RARB: variants seen among roughly 807,000 people sequenced by gnomAD.
RARB encodes the protein retinoic acid receptor beta, also known as HBV-activated protein.
In RARB, 17 loss-of-function variants were observed where a neutral mutation model predicts 51.9. That is an observed-to-expected ratio of 0.33 (90% CI 0.22 to 0.49). RARB has a LOEUF of 0.49. Among genes scored for constraint, RARB ranks in the 20% least tolerant of loss-of-function variants. The pLI is 0.99. For synonymous variants in RARB, 215 were observed against 195.4 expected (o/e 1.10, Z -0.84); for missense variants, 369 against 550.8 (o/e 0.67, Z 3.30).
intron 2 of RARB, among the ~76,000 whole-genome samples, chr3:25,028,647 A>G (rs557694564): frequency 2.0e-5 from 3 of 152,246 alleles, no homozygotes; most frequent in Non-Finnish European, 4.4e-5. Flanking sequence ...GTGTGTGAGG[A>G]TAAAGGGTGT....
intron 2 of RARB, among the ~76,000 whole-genome samples, chr3:25,006,964 T>G (rs1697285687): frequency 6.6e-6 from 1 of 152,186 alleles, no homozygotes; most frequent in Admixed American, 6.5e-5. Flanking sequence ...TAATCCACAG[T>G]ATTATGTAGT....
chr3:25,006,587 C>G (rs902831270), intron 2 of RARB, among the ~76,000 whole-genome samples: 5 of 152,060 alleles, frequency 3.3e-5, no homozygotes, highest in Admixed American at 3.3e-4. Context: ...AAATCTGATA[C>G]CTTGTTTCTA....
In RARB at chr3:24,960,021, A is replaced by C. The variant is rs138801211; in HGVS notation, c.-379-100104A>C. 3.0e-3 allele frequency among the ~76,000 whole-genome samples: 455 copies of C among 152,312 alleles called. 2 individuals carry two copies. Among genetic ancestry groups the C allele is most frequent in the African/African-American group, 0.011 (444 of 41,570 alleles). ...CAAGACAGTGGCTAATCCTTGAAATAAGTGGTACAAAGACTGAACTATCAA... is the reference window on the plus strand; with the variant it reads ...CAAGACAGTGGCTAATCCTTGAAATCAGTGGTACAAAGACTGAACTATCAA... On this transcript the variant is annotated intron_variant, in intron 2 of 11. Coordinates refer to the RARB transcript ENST00000383772.
At chr3:25,317,651 A>G (rs979849778) in intron 5 of RARB, among the ~76,000 whole-genome samples, 1 of 152,176 alleles carries the variant, frequency 6.6e-6, no homozygotes, top group African/African-American at 2.4e-5. Context: ...ATTACAGGAC[A>G]CAGTTTTCTT....
chr3:25,054,580 C>A (rs1698400153), intron 2 of RARB, among the ~76,000 whole-genome samples: 1 of 152,120 alleles, frequency 6.6e-6, no homozygotes, highest in African/African-American at 2.4e-5. Context: ...GGCTGACTCT[C>A]AACAGTGTGT....
At chr3:25,266,449 A>G (rs1488729763) in intron 5 of RARB, among the ~76,000 whole-genome samples, 2 of 152,036 alleles carry the variant, frequency 1.3e-5, no homozygotes, top group African/African-American at 4.8e-5. Flanking sequence ...TTATATATTA[A>G]GAATATTATA....
chr3:25,513,811 A>T (rs1364711302), intron 3 of RARB, among the ~76,000 whole-genome samples: 3 of 152,086 alleles, frequency 2.0e-5, no homozygotes, highest in Non-Finnish European at 4.4e-5. Flanking sequence ...AGAAAGGGGG[A>T]GAGGAAGGGA....
chr3:25,061,227 T>C (rs138514892), intron 3 of RARB, among the ~76,000 whole-genome samples: 443 of 152,022 alleles, frequency 2.9e-3, no homozygotes, highest in African/African-American at 0.01. Flanking sequence ...ATTTAATTTA[T>C]TCATCATTTC....
chr3:25,338,852 G>T (rs1366220131), intron 5 of RARB, among the ~76,000 whole-genome samples: 2 of 152,064 alleles, frequency 1.3e-5, no homozygotes, highest in South Asian at 2.1e-4. Flanking sequence ...CCTCACCAGG[G>T]TCACCACACC....
chr3:25,285,460 G>A (rs1703626509), intron 5 of RARB, among the ~76,000 whole-genome samples: 1 of 152,156 alleles, frequency 6.6e-6, no homozygotes. Context: ...ACATTTAAGG[G>A]GGCTGTTGGT....
chr3:25,361,781 C>T (rs1483481959), intron 5 of RARB, among the ~76,000 whole-genome samples: 1 of 152,184 alleles, frequency 6.6e-6, no homozygotes, highest in Non-Finnish European at 1.5e-5. Flanking sequence ...CCATTCCAGA[C>T]CCTGTTTGCG....
Position 25,456,682 on chromosome 3 carries a change from T to TATATATATAGAG in RARB, c.158-4510_158-4509insTATATATAGAGA, listed in dbSNP as rs1491372969. 2.0e-4 allele frequency among the ~76,000 whole-genome samples: 18 copies of TATATATATAGAG among 88,358 alleles called. No homozygotes were observed. The East Asian group carries it at 5.2e-3, about 26-fold the overall frequency. 58.0% of individuals were successfully genotyped at this position (88,358 alleles called of 152,430 possible). On this transcript the variant is annotated intron_variant, in intron 1 of 7. Coordinates refer to ENST00000330688, the MANE Select transcript of RARB (RefSeq NM_000965.5). Reference sequence around the variant, plus strand: ...TTGAATATATATATATATATATATATAGAGAGAGAGAGAGAGAGAGAGAGA... The same window carrying TATATATATAGAG: ...TTGAATATATATATATATATATATATATATATATAGAGAGAGAGAGAGAGAGAGAGAGAGAGA...
intron 1 of RARB, among the ~76,000 whole-genome samples, chr3:25,455,161 G>C (rs893931284): frequency 6.6e-6 from 1 of 152,238 alleles, no homozygotes; most frequent in African/African-American, 2.4e-5. Flanking sequence ...TTGAGAGCAA[G>C]TGTTTCAAAA....
chr3:25,180,989 G>A (rs1010391384), intron 5 of RARB, among the ~76,000 whole-genome samples: 2 of 152,144 alleles, frequency 1.3e-5, no homozygotes, highest in Non-Finnish European at 2.9e-5. Context: ...AAGGGAAATA[G>A]AGAAGGTAAG....
At chr3:25,106,542 A>G (rs527562049) in intron 3 of RARB, among the ~76,000 whole-genome samples, 4 of 148,580 alleles carry the variant, frequency 2.7e-5, no homozygotes, top group Admixed American at 2.1e-4. Context: ...GGCTCAAGCA[A>G]TCTGCCCCTC....
chr3:24,851,501 C>A (rs1702556158), intron 1 of RARB, among the ~76,000 whole-genome samples: 1 of 151,986 alleles, frequency 6.6e-6, no homozygotes, highest in African/African-American at 2.4e-5. Context: ...GCGGTTCCGT[C>A]CAGTGACTTT....
At chr3:25,174,438 A>G (rs768527092) in exon 5 of RARB, 1 of 1,352,116 alleles carries the variant, frequency 7.4e-7, no homozygotes, top group Non-Finnish European at 9.8e-7. Flanking sequence ...CCAGCAGTGA[A>G]CGGACACATG....
intron 1 of RARB, among the ~76,000 whole-genome samples, chr3:24,843,736 GAAA>G (rs1269456528): frequency 6.6e-6 from 1 of 152,148 alleles, no homozygotes; most frequent in African/African-American, 2.4e-5. Flanking sequence ...CTGCTGCACT[GAAA>G]TCTGCAATTT....
intron 3 of RARB, among the ~76,000 whole-genome samples, chr3:25,101,210 C>T (rs1394753176): frequency 6.6e-6 from 1 of 152,144 alleles, no homozygotes; most frequent in Non-Finnish European, 1.5e-5. Context: ...TCTTATGGCA[C>T]TTCTAGTCTC....
Sources: allele counts gnomAD v4.1 joint callset (sites outside exome capture counted in the v4.1 genomes callset), GRCh38; gene constraint gnomAD v4.1.1; transcripts MANE v1.5; gene names NCBI Gene and HGNC (gene_info 2026-07-23, HGNC 2026-07-21).